The following CATSPERG variants were observed in gnomAD, a reference collection of about 807,000 sequenced individuals.
The protein encoded by CATSPERG is cation channel sperm-associated auxiliary subunit gamma.
CATSPERG carries 115 observed loss-of-function variants against 145.0 expected under a neutral mutation model. That is an observed-to-expected ratio of 0.79 (90% CI 0.68 to 0.93). The LOEUF (loss-of-function observed/expected upper bound fraction) is 0.93. Among genes scored for constraint, CATSPERG ranks in the 40% least tolerant of loss-of-function variants. The pLI, the probability that CATSPERG is intolerant of heterozygous loss-of-function variation, is 0.00. For missense variants in CATSPERG, 1,296 were observed against 1,490.1 expected (o/e 0.87, Z 2.14); for synonymous variants, 588 against 589.0 (o/e 1.00, Z 0.02).
Position 38,370,748 on chromosome 19 carries a change from A to G in CATSPERG, c.3436A>G (p.Arg1146Gly), listed in dbSNP as rs1970533493. The G allele has an allele frequency of 5.6e-6, 9 of 1,614,154 alleles. No individual in the cohort carries two copies. Among genetic ancestry groups the G allele is most frequent in the Middle Eastern group, 1.6e-4 (1 of 6,062 alleles). Residue 1146 changes from arginine (R) to glycine (G), a missense_variant, in exon 29 of 29, where the codon AGG (arginine) becomes GGG (glycine). By Grantham distance (125) the Arg-to-Gly change is moderately radical. Coordinates refer to ENST00000409235, the MANE Select transcript of CATSPERG (RefSeq NM_021185.5). ...SMFSSRMTED[R>G]AEPKEAVERQ... ...GTTCAGCTCCAGGATGACAGAGGAC[A>G]GGGCTGAACCCAAGGAAGCCGTGGA... is the stretch of plus-strand genomic sequence containing the variant.
rs1311035719 is a variant in CATSPERG at position 38,344,346 on chromosome 19, T to C, written c.647T>C (p.Ile216Thr). Residue 216 changes from isoleucine to threonine, a missense_variant, in exon 6 of 29, where the codon ATC (isoleucine) becomes ACC (threonine). Physicochemically the swap from Ile to Thr is moderately conservative, Grantham distance 89. Coordinates refer to ENST00000409235, the MANE Select transcript of CATSPERG (RefSeq NM_021185.5). ...CTGAAGAGAGACCGGGACAATAACA[T>C]CCAATTCACTGTGGGAGAGGAGGTG... ...GFLKRDRDNN[I>T]QFTVGEELFN... The C allele has an allele frequency of 1.3e-6, 2 of 1,551,628 alleles. No homozygotes were observed. Among genetic ancestry groups the C allele is most frequent in the Non-Finnish European group, 8.7e-7 (1 of 1,146,936 alleles).
At chr19:38,362,866 GTTTTGTTT>G in intron 20 of CATSPERG, 34 bp downstream of exon 20, 1 of 806,162 alleles carries the variant, frequency 1.2e-6, no homozygotes, top group Non-Finnish European at 2.1e-6. Context: ...ATCAAGGGAG[GTTTTGTTT>G]TTTTTTTTTT....
intron 25 of CATSPERG, 75 bp from the exon 26 acceptor site, chr19:38,367,973 C>A: frequency 7.1e-7 from 1 of 1,409,538 alleles, no homozygotes; most frequent in Non-Finnish European, 1.0e-6. Flanking sequence ...GGCCTCCCTC[C>A]ACACTGACCA....
intron 10 of CATSPERG, 86 bp from the exon 11 acceptor site, chr19:38,356,656 G>T (rs1475521400): frequency 2.3e-5 from 37 of 1,593,000 alleles, no homozygotes; most frequent in Non-Finnish European, 3.0e-5. Context: ...CTTAGGGAGG[G>T]GTGAGTTATG....
intron 3 of CATSPERG, among the ~76,000 whole-genome samples, chr19:38,342,019 A>C (rs1260298194): frequency 1.3e-5 from 2 of 151,384 alleles, no homozygotes; most frequent in Non-Finnish European, 2.9e-5. Flanking sequence ...TGGAGGTTAC[A>C]GTGAGCTGTG....
chr19:38,366,816 G>A (rs182133160), intron 22 of CATSPERG: 71 of 215,848 alleles, frequency 3.3e-4, no homozygotes, highest in African/African-American at 1.5e-3. Flanking sequence ...TCTGCCTCCC[G>A]AGTAGCTGGG....
chr19:38,356,963 G>A, intron 11 of CATSPERG, 102 bp downstream of exon 11: 1 of 1,450,296 alleles, frequency 6.9e-7, no homozygotes, highest in South Asian at 1.3e-5. Context: ...ACAGAGGGAG[G>A]GCAACATTAC....
intron 9 of CATSPERG, among the ~76,000 whole-genome samples, chr19:38,356,025 G>T (rs191545694): frequency 2.6e-5 from 4 of 152,228 alleles, no homozygotes; most frequent in African/African-American, 9.6e-5. Flanking sequence ...AAATAAGTTG[G>T]TTTTTGTAAA....
rs1371675235 is a variant in CATSPERG, at chr19:38,343,556, C to A, written c.325-24C>A. On this transcript the variant is annotated intron_variant, in intron 3 of 28. Transcript: ENST00000409235. ...ACCCAGAGGCTACCATAAGGACACA[C>A]TTGTGGGGCCATCTCACCCTCAGCC... is the stretch of plus-strand genomic sequence containing the variant. The A allele has an allele frequency of 2.6e-6, 4 of 1,532,876 alleles. No individual in the cohort carries two copies. The Admixed American group carries it at 8.1e-5, about 31-fold the overall frequency. The allele number at this position is 1,532,876 out of a possible 1,614,324, so 95.0% of individuals were successfully genotyped here. A position where few individuals can be genotyped will look rare whatever the true frequency, so the allele number is the denominator to read the frequency against.
intron 26 of CATSPERG, among the ~76,000 whole-genome samples, chr19:38,368,614 G>A (rs1198904233): frequency 6.6e-6 from 1 of 152,218 alleles, no homozygotes; most frequent in East Asian, 1.9e-4. Flanking sequence ...CAAGATCTCA[G>A]CTCACTGCAA....
intron 6 of CATSPERG, among the ~76,000 whole-genome samples, chr19:38,344,622 T>C (rs1299095978): frequency 6.6e-6 from 1 of 151,956 alleles, no homozygotes; most frequent in East Asian, 1.9e-4. Context: ...GGAGGGAGTC[T>C]TGAAGTTATC....
chr19:38,368,200 C>A, intron 26 of CATSPERG, 63 bp downstream of exon 26: 1 of 1,410,932 alleles, frequency 7.1e-7, no homozygotes, highest in Non-Finnish European at 1.0e-6. Context: ...GCCCACCTAT[C>A]CTTTCTGCCC....
At chr19:38,345,839 A>C (rs1295538646) in intron 6 of CATSPERG, among the ~76,000 whole-genome samples, 2 of 152,114 alleles carry the variant, frequency 1.3e-5, no homozygotes. Flanking sequence ...ATCCCGATGC[A>C]TTCACCCATT....
intron 8 of CATSPERG, among the ~76,000 whole-genome samples, chr19:38,353,935 G>C (rs113920020): frequency 8.7e-5 from 12 of 137,876 alleles, no homozygotes; most frequent in African/African-American, 3.3e-4. Context: ...GGGCTGCAGT[G>C]AGCCAAGATC....
rs1197002284 is a variant in CATSPERG, at chr19:38,353,715, GAA to G, written c.998-991_998-990del. ...CCATCTCAAAAAAAAAAAAAAAAAA[GAA>G]AAAGGCCAGGCGCGGTGGCTCACGC... On this transcript the variant is annotated intron_variant, in intron 8 of 28. Coordinates refer to ENST00000409235, the MANE Select transcript of CATSPERG (RefSeq NM_021185.5). Among the ~76,000 whole-genome samples, 4 of 102,362 alleles carry G rather than the reference GAA, an allele frequency of 3.9e-5. No individual in the cohort carries two copies. In the East Asian group the frequency reaches 1.5e-3, roughly 37 times the overall value. The allele number at this position is 102,362 out of a possible 152,430, so 67.2% of individuals were successfully genotyped here.
rs1970354859 is a variant in CATSPERG at position 38,361,975 on chromosome 19, G to A, written c.2094+114G>A. The A allele has an allele frequency of 5.2e-6, 4 of 768,442 alleles. No homozygotes were observed. The Admixed American group carries it at 7.7e-5, about 15-fold the overall frequency. 47.6% of individuals were successfully genotyped at this position (768,442 alleles called of 1,614,324 possible). Reference sequence around the variant, plus strand: ...GCAGCGGGATTGGAGAACAGGACTGGTGGTGGGTGGGCGGGGGACCTGGGG... The same window carrying A: ...GCAGCGGGATTGGAGAACAGGACTGATGGTGGGTGGGCGGGGGACCTGGGG... On this transcript the variant is annotated intron_variant, in intron 17 of 28. Coordinates refer to ENST00000409235, the MANE Select transcript of CATSPERG (RefSeq NM_021185.5).
At chr19:38,338,722 C>G (rs553104956) in intron 3 of CATSPERG, among the ~76,000 whole-genome samples, 50 of 152,184 alleles carry the variant, frequency 3.3e-4, no homozygotes, top group South Asian at 1.7e-3. Flanking sequence ...CAAGACTAGC[C>G]TAGGTGAATT....
At chr19:38,356,718 C>G (rs773996410) in intron 10 of CATSPERG, 24 bp from the exon 11 acceptor site, 1 of 1,613,346 alleles carries the variant, frequency 6.2e-7, no homozygotes, top group South Asian at 1.1e-5. Context: ...TGGGGCGGCT[C>G]TGGACTGCCC....
At position 38,361,813 on chromosome 19, in the gene CATSPERG, C is replaced by G. The variant is rs3745954; in HGVS notation, c.2046C>G (p.Tyr682Ter). 4 of 1,612,128 alleles carry G rather than the reference C, an allele frequency of 2.5e-6. No individual in the cohort carries two copies. The East Asian group carries it at 8.9e-5, about 36-fold the overall frequency. Residue 682 changes from tyrosine to a stop codon, truncating the protein, a stop_gained, in exon 17 of 29, where the codon TAC becomes TAG. Coordinates refer to ENST00000409235, the MANE Select transcript of CATSPERG (RefSeq NM_021185.5). LOFTEE classifies it high-confidence loss of function. ...ACAACGAGAACTCGCTCGCCATCTA[C>G]CAGGGCCTGGTCTACTACCTGCTGT... ...GFHNENSLAIYQGLVYYLLWL... is the reference protein window; with the variant it reads ...GFHNENSLAI
Sources: allele counts gnomAD v4.1 joint callset (sites outside exome capture counted in the v4.1 genomes callset), GRCh38; gene constraint gnomAD v4.1.1; transcripts MANE v1.5; gene names NCBI Gene and HGNC (gene_info 2026-07-23, HGNC 2026-07-21).